Variants in MID1 observed in about 807,000 individuals in gnomAD.
MID1 encodes midline 1.
A neutral mutation model predicts 40.4 loss-of-function variants in MID1; 7 were observed. The observed-to-expected ratio is 0.17, with a 90% CI of 0.10 to 0.33. The LOEUF is 0.33. Ranked by LOEUF, MID1 falls within the 10% of genes least tolerant of loss-of-function variation. The probability of loss-of-function intolerance (pLI) is 1.00; values close to 1 mark genes in which losing one functional copy is unlikely to be tolerated. For missense variants in MID1, 367 were observed against 558.5 expected (o/e 0.66, Z 3.46); for synonymous variants, 229 against 221.2 (o/e 1.04, Z -0.31).
chrX:10,482,878 TG>T (rs1930416225), intron 4 of MID1, among the ~76,000 whole-genome samples: 1 of 112,014 alleles, frequency 8.9e-6, no homozygotes, highest in South Asian at 3.7e-4. Context: ...TCCCTGTTGA[TG>T]GGAAAAAAAG....
chrX:10,822,887 G>T (rs189375835), intron 1 of MID1, among the ~76,000 whole-genome samples: 7 of 112,130 alleles, frequency 6.2e-5, no homozygotes, highest in Non-Finnish European at 1.3e-4. Context: ...GTGTAAATTA[G>T]TTCAACCATC....
chrX:10,676,198 T>G (rs1370154220), intron 1 of MID1, among the ~76,000 whole-genome samples: 1 of 112,519 alleles, frequency 8.9e-6, no homozygotes. Flanking sequence ...GATCCGAGTA[T>G]CTGATAGATA....
intron 7 of MID1, among the ~76,000 whole-genome samples, chrX:10,461,138 TACACACAC>T (rs200040870): frequency 8.3e-5 from 8 of 96,795 alleles, no homozygotes; most frequent in South Asian, 4.7e-4. Flanking sequence ...TATCTAAAGA[TACACACAC>T]ACACACACAC....
At chrX:10,713,235 G>A (rs889552454) in intron 1 of MID1, among the ~76,000 whole-genome samples, 1 of 111,949 alleles carries the variant, frequency 8.9e-6, no homozygotes, top group African/African-American at 3.2e-5. Context: ...TCTTCCAGGT[G>A]TTGCTGATAA....
chrX:10,520,152 C>T (rs771085659), intron 3 of MID1, among the ~76,000 whole-genome samples: 1 of 111,923 alleles, frequency 8.9e-6, no homozygotes, highest in Non-Finnish European at 1.9e-5. Flanking sequence ...GACTCTTCCA[C>T]AAAGCTTCAG....
chrX:10,823,266 G>C (rs1406162296), intron 1 of MID1, among the ~76,000 whole-genome samples: 2 of 111,306 alleles, frequency 1.8e-5, no homozygotes, highest in African/African-American at 6.5e-5. Flanking sequence ...CATGCTAACT[G>C]AATGATGAGA....
intron 1 of MID1, among the ~76,000 whole-genome samples, chrX:10,635,619 GA>G (rs1267609601): frequency 9.2e-5 from 10 of 109,120 alleles, no homozygotes; most frequent in Non-Finnish European, 1.7e-4. Context: ...ATTTTACTAA[GA>G]AAAAAAAAGA....
chrX:10,758,340 T>C (rs1271685192), intron 1 of MID1, among the ~76,000 whole-genome samples: 2 of 109,241 alleles, frequency 1.8e-5, no homozygotes, highest in Non-Finnish European at 3.8e-5. Flanking sequence ...AAAGTGTCCT[T>C]GTTCTAAATA....
chrX:10,595,573 A>G (rs751220738), intron 1 of MID1, among the ~76,000 whole-genome samples: 2 of 111,997 alleles, frequency 1.8e-5, no homozygotes, highest in Non-Finnish European at 3.8e-5. Context: ...AAAAAGATAA[A>G]TACCACATGA....
intron 1 of MID1, among the ~76,000 whole-genome samples, chrX:10,686,810 A>T (rs1483221270): frequency 8.9e-6 from 1 of 112,084 alleles, no homozygotes; most frequent in East Asian, 2.8e-4. Context: ...TGCAGATCAG[A>T]ATTGTCTCAT....
intron 1 of MID1, among the ~76,000 whole-genome samples, chrX:10,654,264 C>G: frequency 8.9e-6 from 1 of 112,375 alleles, no homozygotes; most frequent in East Asian, 2.8e-4. Context: ...TTAAATATTA[C>G]AGAAAACACT....
chrX:10,531,341 C>G (rs1047774859), intron 2 of MID1, among the ~76,000 whole-genome samples: 1 of 111,948 alleles, frequency 8.9e-6, no homozygotes. Flanking sequence ...CTCGACAGAC[C>G]GCAAATACAT....
intron 3 of MID1, among the ~76,000 whole-genome samples, chrX:10,509,548 T>C (rs2147343782): frequency 9.0e-6 from 1 of 111,399 alleles, no homozygotes; most frequent in Non-Finnish European, 1.9e-5. Flanking sequence ...GATGGACAGC[T>C]CTCTCATTTT....
chrX:10,576,383 C>G (rs1233126736), intron 1 of MID1, among the ~76,000 whole-genome samples: 1 of 111,748 alleles, frequency 8.9e-6, no homozygotes, highest in Non-Finnish European at 1.9e-5. Flanking sequence ...AGAATCACTT[C>G]GAAGCATGGC....
At chrX:10,705,700 T>C (rs1387391353) in intron 1 of MID1, among the ~76,000 whole-genome samples, 1 of 111,764 alleles carries the variant, frequency 8.9e-6, no homozygotes, top group Non-Finnish European at 1.9e-5. Context: ...AACTTACAAA[T>C]GAGAAGACTG....
chrX:10,733,975 GT>G (rs759015091), intron 1 of MID1, among the ~76,000 whole-genome samples: 2 of 112,267 alleles, frequency 1.8e-5, no homozygotes, highest in Admixed American at 9.4e-5. Flanking sequence ...AAAAGTATAT[GT>G]CCTCACGAAG....
intron 1 of MID1, among the ~76,000 whole-genome samples, chrX:10,590,986 T>C (rs1935285314): frequency 8.9e-6 from 1 of 111,732 alleles, no homozygotes; most frequent in South Asian, 3.8e-4. Flanking sequence ...GTGAGTTTCA[T>C]CCTGTACATT....
chrX:10,728,628 G>A (rs2043416971), intron 1 of MID1, among the ~76,000 whole-genome samples: 1 of 112,148 alleles, frequency 8.9e-6, no homozygotes, highest in Non-Finnish European at 1.9e-5. Flanking sequence ...GAAATTATCA[G>A]GAATGAGATC....
chrX:10,497,567 T>C (rs1225655832), intron 3 of MID1, among the ~76,000 whole-genome samples: 3 of 111,873 alleles, frequency 2.7e-5, no homozygotes, highest in Non-Finnish European at 3.8e-5. Flanking sequence ...TAATTTTCCA[T>C]CCACTTATCA....
Sources: allele counts gnomAD v4.1 joint callset (sites outside exome capture counted in the v4.1 genomes callset), GRCh38; gene constraint gnomAD v4.1.1; transcripts MANE v1.5; gene names NCBI Gene and HGNC (gene_info 2026-07-23, HGNC 2026-07-21).